The following PCCA variants were observed in gnomAD, a reference collection of about 807,000 sequenced individuals.
PCCA encodes propionyl-CoA carboxylase alpha chain, mitochondrial.
Under a neutral mutation model 101.3 loss-of-function variants are expected in PCCA, and 74 were observed. The ratio of observed to expected loss-of-function variants is 0.73; its 90% CI spans 0.61 to 0.89. The LOEUF is 0.89. PCCA is among the 40% of genes least tolerant of loss of function. The probability of loss-of-function intolerance (pLI) is 0.00; values close to 1 mark genes in which losing one functional copy is unlikely to be tolerated. For synonymous variants in PCCA, 294 were observed against 313.6 expected (o/e 0.94, Z 0.66); for missense variants, 891 against 907.0 (o/e 0.98, Z 0.23).
At chr13:100,335,159 T>C (rs1199310573) in intron 17 of PCCA, among the ~76,000 whole-genome samples, 3 of 152,150 alleles carry the variant, frequency 2.0e-5, no homozygotes, top group African/African-American at 7.2e-5. Context: ...TATAAACAAA[T>C]TTGTTTTCAG....
rs1433098632 is a variant in PCCA, at chr13:100,337,542, T to A, written c.1541-2615T>A. Among the ~76,000 whole-genome samples, 4 of 152,162 alleles carry A rather than the reference T, an allele frequency of 2.6e-5. No individual in the cohort carries two copies. The East Asian group carries it at 7.7e-4, about 29-fold the overall frequency. On this transcript the variant is annotated intron_variant, in intron 17 of 23. Coordinates refer to ENST00000376285, the MANE Select transcript of PCCA (RefSeq NM_000282.4). ...AGAATAGGTCAGTTATGATCAGACT[T>A]CTTATACAGAGCCTGTTGGAACTGA...
intron 22 of PCCA, among the ~76,000 whole-genome samples, chr13:100,523,167 C>CT (rs1171443969): frequency 1.3e-5 from 2 of 152,134 alleles, no homozygotes; most frequent in Non-Finnish European, 2.9e-5. Context: ...AGAAGGTTCT[C>CT]TGTCTTTTAA....
intron 9 of PCCA, among the ~76,000 whole-genome samples, chr13:100,262,435 G>A (rs2062586778): frequency 6.6e-6 from 1 of 151,990 alleles, no homozygotes. Context: ...TAAAGTATCG[G>A]CATTCCTGTT....
intron 14 of PCCA, among the ~76,000 whole-genome samples, chr13:100,306,939 G>A (rs998552677): frequency 1.3e-5 from 2 of 152,208 alleles, no homozygotes; most frequent in Non-Finnish European, 2.9e-5. Context: ...GCATAGTGAT[G>A]TAGGAAGTCT....
intron 21 of PCCA, among the ~76,000 whole-genome samples, chr13:100,500,149 T>A (rs1159560868): frequency 6.6e-6 from 1 of 152,178 alleles, no homozygotes; most frequent in African/African-American, 2.4e-5. Context: ...TGTCTTCAGA[T>A]TGAGGCGATC....
At chr13:100,524,209 T>C (rs2087535326) in intron 22 of PCCA, among the ~76,000 whole-genome samples, 1 of 152,264 alleles carries the variant, frequency 6.6e-6, no homozygotes, top group South Asian at 2.1e-4. Context: ...CCCAGCTCAA[T>C]GCCCAGCCAT....
At position 100,424,169 on chromosome 13, in the gene PCCA, G is replaced by T. The variant is rs1336746611; in HGVS notation, c.1747-1464G>T. On this transcript the variant is annotated intron_variant, in intron 19 of 23. Coordinates refer to ENST00000376285, the MANE Select transcript of PCCA (RefSeq NM_000282.4). ...TTAGATAGCATTTACATTGTATTAG[G>T]TATTATAATTCAAAGGTATTATAGG... Among the ~76,000 whole-genome samples, 33 of 152,142 alleles carry T rather than the reference G, an allele frequency of 2.2e-4. 1 individual carries two copies. Among genetic ancestry groups the T allele is most frequent in the Admixed American group, 2.0e-3 (31 of 15,278 alleles).
chr13:100,477,200 C>A (rs540957314), intron 21 of PCCA: 23 of 152,340 alleles, frequency 1.5e-4, no homozygotes, highest in African/African-American at 5.1e-4. Flanking sequence ...CCATCTACCT[C>A]ATTGGCGACA....
rs1330398354 is a variant in PCCA at position 100,530,196 on chromosome 13, A to G, written c.*30A>G. ...TTTATAACCTTTCAGTCATCACCCAATTTAATTAGCCATTTGCATGATGCT... is the reference window on the plus strand; with the variant it reads ...TTTATAACCTTTCAGTCATCACCCAGTTTAATTAGCCATTTGCATGATGCT... On this transcript the variant is annotated 3_prime_UTR_variant, in exon 24 of 24. Transcript: ENST00000376285. The G allele has an allele frequency of 1.3e-6, 2 of 1,546,296 alleles. No homozygotes were observed. Among genetic ancestry groups the G allele is most frequent in the African/African-American group, 1.4e-5 (1 of 73,738 alleles).
At chr13:100,464,226 G>A (rs2082354911) in intron 21 of PCCA, among the ~76,000 whole-genome samples, 1 of 152,156 alleles carries the variant, frequency 6.6e-6, no homozygotes, top group Non-Finnish European at 1.5e-5. Flanking sequence ...AACAGGATCG[G>A]GCAGGGGTGG....
chr13:100,440,070 T>A (rs985431111), intron 20 of PCCA, among the ~76,000 whole-genome samples: 1 of 149,632 alleles, frequency 6.7e-6, no homozygotes, highest in Admixed American at 6.8e-5. Context: ...GCAGACAAAT[T>A]TGGAATAGTG....
intron 1 of PCCA, among the ~76,000 whole-genome samples, chr13:100,099,452 G>A (rs1171937029): frequency 1.3e-5 from 2 of 151,630 alleles, no homozygotes; most frequent in African/African-American, 4.9e-5. Context: ...CGAGTAGCTG[G>A]GACTACAGGC....
chr13:100,264,789 A>G (rs1231602527), intron 10 of PCCA, among the ~76,000 whole-genome samples: 1 of 152,148 alleles, frequency 6.6e-6, no homozygotes, highest in Non-Finnish European at 1.5e-5. Context: ...TGGTTGTGCT[A>G]ATGTATACTC....
chr13:100,505,330 C>CTT (rs577584947), intron 21 of PCCA, among the ~76,000 whole-genome samples: 77 of 152,296 alleles, frequency 5.1e-4, no homozygotes, highest in African/African-American at 1.8e-3. Context: ...ATTAACCAAA[C>CTT]TGTTTCTCTA....
intron 20 of PCCA, among the ~76,000 whole-genome samples, chr13:100,447,367 G>C (rs895742939): frequency 1.4e-5 from 2 of 147,378 alleles, no homozygotes; most frequent in Admixed American, 1.4e-4. Context: ...CTGGGTAACA[G>C]AGTGAAACTT....
chr13:100,478,967 C>T (rs1228985511), intron 21 of PCCA, among the ~76,000 whole-genome samples: 2 of 152,148 alleles, frequency 1.3e-5, no homozygotes, highest in African/African-American at 4.8e-5. Flanking sequence ...TTTGACTCTG[C>T]ATGCACCAGA....
chr13:100,172,687 T>C (rs959058043), intron 6 of PCCA, among the ~76,000 whole-genome samples: 1 of 152,270 alleles, frequency 6.6e-6, no homozygotes, highest in Non-Finnish European at 1.5e-5. Context: ...GGCCATGTTA[T>C]GAATGCGTGA....
Position 100,530,344 on chromosome 13 carries a change from T to TTGA in PCCA, c.*180_*182dup. ...AAAAAATCACCAATGGAAATTTTCA[T>TTGA]TGATATAAATACTTGTACATATGAT... On this transcript the variant is annotated 3_prime_UTR_variant, in exon 24 of 24. Coordinates refer to ENST00000376285, the MANE Select transcript of PCCA (RefSeq NM_000282.4). The TTGA allele has an allele frequency of 3.0e-6, 2 of 663,654 alleles. No individual in the cohort carries two copies. Among genetic ancestry groups the TTGA allele is most frequent in the Non-Finnish European group, 5.5e-6 (2 of 364,408 alleles). The allele number at this position is 663,654 out of a possible 1,614,324, so 41.1% of individuals were successfully genotyped here.
intron 21 of PCCA, among the ~76,000 whole-genome samples, chr13:100,464,969 A>G (rs1219221511): frequency 6.6e-6 from 1 of 152,208 alleles, no homozygotes; most frequent in African/African-American, 2.4e-5. Context: ...GCACTGTCAT[A>G]TGTTACTGTG....
Sources: gnomAD v4.1 joint callset for allele counts (sites outside exome capture counted in the v4.1 genomes callset) on GRCh38, gnomAD v4.1.1 for gene constraint, MANE v1.5 for transcripts, NCBI Gene and HGNC (gene_info 2026-07-23, HGNC 2026-07-21) for gene names.